BBX: variants seen among roughly 807,000 people sequenced by gnomAD.
The protein encoded by BBX is HMG box transcription factor BBX.
BBX carries 30 observed loss-of-function variants against 100.2 expected under a neutral mutation model. The observed-to-expected ratio is 0.30, with a 90% confidence interval of 0.22 to 0.41. The LOEUF is 0.41. Among genes scored for constraint, BBX ranks in the 10% least tolerant of loss-of-function variants. BBX has a pLI of 1.00. For missense variants in BBX, 1,023 were observed against 1,129.8 expected (o/e 0.91, Z 1.35); for synonymous variants, 376 against 388.1 (o/e 0.97, Z 0.37).
At chr3:107,684,152 CTA>C (rs2059714325) in intron 3 of BBX, among the ~76,000 whole-genome samples, 1 of 152,146 alleles carries the variant, frequency 6.6e-6, no homozygotes, top group African/African-American at 2.4e-5. Context: ...AGGTAAGAAA[CTA>C]TTTTTTAACA....
intron 2 of BBX, among the ~76,000 whole-genome samples, chr3:107,599,887 C>A (rs191490907): frequency 4.1e-4 from 60 of 147,126 alleles, no homozygotes; most frequent in Admixed American, 2.9e-3. Context: ...ATTTTTAATA[C>A]GTCTCTCATT....
intron 17 of BBX, among the ~76,000 whole-genome samples, chr3:107,804,786 C>G (rs1388962145): frequency 6.6e-6 from 1 of 151,196 alleles, no homozygotes; most frequent in Non-Finnish European, 1.5e-5. Context: ...CATGTGAGTT[C>G]AGAGGGTTTT....
intron 10 of BBX, among the ~76,000 whole-genome samples, chr3:107,762,461 T>C (rs1218762832): frequency 6.6e-6 from 1 of 152,248 alleles, no homozygotes; most frequent in African/African-American, 2.4e-5. Flanking sequence ...AGCAATGCTA[T>C]TCTCAGAAAC....
chr3:107,597,307 T>TA (rs1194130689), intron 2 of BBX, among the ~76,000 whole-genome samples: 2 of 152,184 alleles, frequency 1.3e-5, no homozygotes, highest in East Asian at 1.9e-4. Context: ...ATATTTCTGG[T>TA]AAAAAAGTTA....
At chr3:107,725,647 C>A (rs1049257148) in intron 5 of BBX, among the ~76,000 whole-genome samples, 1 of 151,948 alleles carries the variant, frequency 6.6e-6, no homozygotes, top group Admixed American at 6.6e-5. Context: ...GTATTTGATG[C>A]CAATGCTAAA....
At chr3:107,583,987 TATATTATTATATTATTATATATATTATAC>T (rs2052505011) in intron 2 of BBX, among the ~76,000 whole-genome samples, 1 of 71,092 alleles carries the variant, frequency 1.4e-5, no homozygotes, top group Non-Finnish European at 2.4e-5. Context: ...TATATTATTA[TATATTATTATATTATTATATATATTATAC>T]ATATTATTAT....
chr3:107,790,479 C>T (rs565184270), intron 14 of BBX, among the ~76,000 whole-genome samples: 106 of 152,262 alleles, frequency 7.0e-4, no homozygotes, highest in African/African-American at 2.4e-3. Context: ...CCCCTCTTTA[C>T]TCGGAACGTC....
intron 5 of BBX, among the ~76,000 whole-genome samples, chr3:107,721,762 T>C (rs2062555080): frequency 6.6e-6 from 1 of 152,068 alleles, no homozygotes; most frequent in South Asian, 2.1e-4. Flanking sequence ...TTCTAACTCA[T>C]TTAACCTCCC....
intron 2 of BBX, among the ~76,000 whole-genome samples, chr3:107,589,264 T>C (rs137920484): frequency 1.1e-3 from 160 of 152,348 alleles, no homozygotes; most frequent in African/African-American, 3.2e-3. Context: ...TCTTGAGTTC[T>C]TAGGAAGGTC....
rs140221563 is a variant in BBX at position 107,801,219 on chromosome 3, C to T, written c.2676C>T (p.Ala892=). The part of the protein sequence containing the change: ...ETRSSTPEMP[A]VSAFFSLAAL... ...GGAGCAGTACTCCAGAAATGCCTGC[C>T]GTGTCTGCGTTCTTTAGCCTCGCTG... The change falls in exon 17 of 18, where the codon GCC becomes GCT. Residue 892 remains alanine (A), a synonymous_variant. Transcript: ENST00000325805. The T allele has an allele frequency of 1.2e-3, 1,885 of 1,614,178 alleles. 16 individuals are homozygous for T. In the African/African-American group the frequency reaches 0.022, roughly 19 times the overall value.
At chr3:107,548,563 C>A (rs2049413007) in intron 2 of BBX, among the ~76,000 whole-genome samples, 1 of 152,162 alleles carries the variant, frequency 6.6e-6, no homozygotes, top group Admixed American at 6.5e-5. Context: ...AATAGTTCCA[C>A]TGTGGAAAGC....
chr3:107,756,370 G>C (rs1016173924), intron 10 of BBX, among the ~76,000 whole-genome samples: 2 of 152,124 alleles, frequency 1.3e-5, no homozygotes, highest in Non-Finnish European at 2.9e-5. Context: ...CATTCTAGTA[G>C]CAGTTTTCTC....
chr3:107,799,124 TG>T (rs2070118099), intron 16 of BBX, among the ~76,000 whole-genome samples: 1 of 151,002 alleles, frequency 6.6e-6, no homozygotes, highest in African/African-American at 2.4e-5. Flanking sequence ...CACTCCAGCC[TG>T]GGCGACAGAG....
In BBX at chr3:107,761,332, A is replaced by C. The variant is rs140167570; in HGVS notation, c.906+5654A>C. ...CAGAGCAAATAAATATATACTTGAA[A>C]ATAATGAGGAGCCATTGAAGATTTG... On this transcript the variant is annotated intron_variant, in intron 10 of 17. Coordinates refer to ENST00000325805, the MANE Select transcript of BBX (RefSeq NM_001142568.3). Among the ~76,000 whole-genome samples the C allele has an allele frequency of 2.8e-3, 433 of 152,332 alleles. 2 individuals carry two copies. The highest frequency in any genetic ancestry group is 5.3e-3 in the Non-Finnish European group (362 of 68,040).
rs71764209 is a variant in BBX, at chr3:107,544,841, T to TA, written c.-84+18461dup. Among the ~76,000 whole-genome samples the TA allele has an allele frequency of 3.3e-3, 326 of 99,314 alleles. 5 individuals are homozygous for TA. Among genetic ancestry groups the TA allele is most frequent in the Middle Eastern group, 0.011 (2 of 180 alleles). 65.2% of individuals were successfully genotyped at this position (99,314 alleles called of 152,430 possible). A position where few individuals can be genotyped will look rare whatever the true frequency, so the allele number is the denominator to read the frequency against. ...TAACACAGTGAAACCCTGTCTCTAC[T>TA]AAAAAAAAAAAAAAAAAAGAAAAAA... On this transcript the variant is annotated intron_variant, in intron 2 of 17. Transcript: ENST00000325805.
intron 2 of BBX, among the ~76,000 whole-genome samples, chr3:107,572,039 A>T (rs1406609029): frequency 1.3e-5 from 2 of 152,216 alleles, no homozygotes; most frequent in Non-Finnish European, 2.9e-5. Flanking sequence ...TTTATGAAGA[A>T]ATCATTTAAC....
chr3:107,791,324 T>G (rs754695907), intron 15 of BBX, 25 bp downstream of exon 15: 2 of 1,596,138 alleles, frequency 1.3e-6, no homozygotes, highest in South Asian at 1.1e-5. Flanking sequence ...GTTATTTAAT[T>G]TGAGACAATC....
intron 2 of BBX, among the ~76,000 whole-genome samples, chr3:107,593,606 G>C (rs556964893): frequency 2.0e-5 from 3 of 152,342 alleles, no homozygotes; most frequent in African/African-American, 7.2e-5. Flanking sequence ...GGATCGTAGA[G>C]GGTAATGGGG....
intron 6 of BBX, 86 bp from the exon 7 acceptor site, chr3:107,732,870 C>A: frequency 2.8e-6 from 3 of 1,090,064 alleles, no homozygotes; most frequent in Middle Eastern, 2.1e-4. Flanking sequence ...TTTCTGATTG[C>A]TAGTCTTTAT....
Sources: gnomAD v4.1 joint callset for allele counts (sites outside exome capture counted in the v4.1 genomes callset) on GRCh38, gnomAD v4.1.1 for gene constraint, MANE v1.5 for transcripts, NCBI Gene and HGNC (gene_info 2026-07-23, HGNC 2026-07-21) for gene names.